The following TUSC3 variants were observed in gnomAD, a reference collection of about 807,000 sequenced individuals.
TUSC3 encodes tumor suppressor candidate 3, also known as dolichyl-diphosphooligosaccharide--protein glycosyltransferase subunit TUSC3.
TUSC3 carries 45 observed loss-of-function variants against 44.8 expected under a neutral mutation model. The ratio of observed to expected loss-of-function variants is 1.00; its 90% CI spans 0.79 to 1.29. TUSC3 has a LOEUF of 1.29. TUSC3 is among the 50% of genes most tolerant of loss of function. The probability of loss-of-function intolerance (pLI) is 0.00; values close to 1 mark genes in which losing one functional copy is unlikely to be tolerated. For missense variants in TUSC3, 519 were observed against 437.9 expected (o/e 1.19, Z -1.65); for synonymous variants, 212 against 152.9 (o/e 1.39, Z -2.85).
At chr8:15,643,090 G>A (rs1806458077) in intron 2 of TUSC3, among the ~76,000 whole-genome samples, 1 of 152,086 alleles carries the variant, frequency 6.6e-6, no homozygotes, top group Non-Finnish European at 1.5e-5. Flanking sequence ...TGACCTGATG[G>A]CTTTATAAGG....
chr8:15,477,145 G>C (rs1439484160), intron 1 of TUSC3, among the ~76,000 whole-genome samples: 5 of 152,112 alleles, frequency 3.3e-5, no homozygotes, highest in Admixed American at 3.3e-4. Flanking sequence ...AGTTTCTTTT[G>C]ATTTAGTTCT....
At chr8:15,663,951 C>G (rs2129180603) in intron 5 of TUSC3, among the ~76,000 whole-genome samples, 1 of 151,796 alleles carries the variant, frequency 6.6e-6, no homozygotes, top group African/African-American at 2.4e-5. Flanking sequence ...TTTAGTCTAC[C>G]AAAAATTGAT....
chr8:15,448,677 C>T lies in TUSC3; in HGVS notation n.91+31372C>T, dbSNP rs770103804. On this transcript the variant is annotated intron_variant and non_coding_transcript_variant, in intron 1 of 5. Transcript: ENST00000503191. ...GGCTAAATAAATAATGTGTCTAACA[C>T]GTAAATTATTAGACAAGTGTTAAAA... Among the ~76,000 whole-genome samples, 21 of 152,016 alleles carry T rather than the reference C, an allele frequency of 1.4e-4. 1 individual carries two copies. In the South Asian group the frequency reaches 2.3e-3, roughly 17 times the overall value.
At position 15,649,016 on chromosome 8, in the gene TUSC3, G is replaced by A. The variant is rs897083265; in HGVS notation, c.309-1681G>A. On this transcript the variant is annotated intron_variant, in intron 2 of 10. Coordinates refer to ENST00000503731, the MANE Select transcript of TUSC3 (RefSeq NM_006765.4). Reference sequence around the variant, plus strand: ...GAAACAGTAACAGGCTAGGTCGTTAGCTTGCATTATATATGTGGTAAAATC... The same window carrying A: ...GAAACAGTAACAGGCTAGGTCGTTAACTTGCATTATATATGTGGTAAAATC... 8.5e-5 allele frequency among the ~76,000 whole-genome samples: 13 copies of A among 152,142 alleles called. 1 individual carries two copies. The highest frequency in any genetic ancestry group is 6.5e-4 in the Admixed American group (10 of 15,276).
chr8:15,680,219 TG>T (rs1426493566), intron 6 of TUSC3, among the ~76,000 whole-genome samples: 2 of 152,074 alleles, frequency 1.3e-5, no homozygotes, highest in Non-Finnish European at 2.9e-5. Context: ...TCCATGAGCA[TG>T]GGTTGGTTTT....
intron 1 of TUSC3, among the ~76,000 whole-genome samples, chr8:15,434,751 G>T (rs562142257): frequency 1.9e-4 from 29 of 151,122 alleles, no homozygotes; most frequent in South Asian, 1.3e-3. Context: ...TGTTCTCATT[G>T]TTCAGTTCCC....
the TUSC3 span, among the ~76,000 whole-genome samples, chr8:15,835,835 C>G: frequency 2.2e-5 from 3 of 139,234 alleles, no homozygotes; most frequent in African/African-American, 7.6e-5. Flanking sequence ...TTTTTATTTA[C>G]TTCATCTATC....
At chr8:15,511,041 T>C (rs1801128113) in intron 2 of TUSC3, among the ~76,000 whole-genome samples, 2 of 152,228 alleles carry the variant, frequency 1.3e-5, no homozygotes, top group South Asian at 4.1e-4. Context: ...ATAAAACATT[T>C]GGCAAGCTAG....
At chr8:15,613,355 G>C (rs78744909) in intron 1 of TUSC3, among the ~76,000 whole-genome samples, 3,661 of 151,998 alleles carry the variant, frequency 0.024, 58 homozygotes, top group African/African-American at 0.03. Flanking sequence ...AATTCTTTTA[G>C]CAATGTGATC....
At chr8:15,500,197 G>T (rs987644040) in intron 2 of TUSC3, among the ~76,000 whole-genome samples, 94 of 152,238 alleles carry the variant, frequency 6.2e-4, no homozygotes, top group African/African-American at 2.1e-3. Flanking sequence ...ATCTGGTGGT[G>T]GCCTCTGGTG....
chr8:15,554,064 C>T (rs1345703536), intron 1 of TUSC3, among the ~76,000 whole-genome samples: 1 of 151,460 alleles, frequency 6.6e-6, no homozygotes, highest in African/African-American at 2.4e-5. Context: ...TCTGGTGAGG[C>T]CCACTTTCTC....
chr8:15,528,207 T>G (rs6530885), intron 2 of TUSC3, among the ~76,000 whole-genome samples: 2 of 152,082 alleles, frequency 1.3e-5, no homozygotes, highest in Admixed American at 1.3e-4. Flanking sequence ...AAAAAAAACT[T>G]TCCATCATTT....
At chr8:15,595,694 A>G (rs1585136700) in intron 1 of TUSC3, among the ~76,000 whole-genome samples, 2 of 152,328 alleles carry the variant, frequency 1.3e-5, no homozygotes, top group East Asian at 1.9e-4. Flanking sequence ...GATAAGAGAA[A>G]TGGGAGGAAG....
intron 1 of TUSC3, among the ~76,000 whole-genome samples, chr8:15,418,242 C>T (rs1799685002): frequency 6.6e-6 from 1 of 152,194 alleles, no homozygotes. Flanking sequence ...GTAAAATGCA[C>T]AGTTTATCTG....
chr8:15,564,422 C>G (rs1802591070), intron 1 of TUSC3, among the ~76,000 whole-genome samples: 1 of 152,148 alleles, frequency 6.6e-6, no homozygotes, highest in Admixed American at 6.5e-5. Context: ...AATCCACTGT[C>G]TACCGTATAT....
At chr8:15,643,988 C>T (rs1190028754) in intron 2 of TUSC3, among the ~76,000 whole-genome samples, 1 of 151,970 alleles carries the variant, frequency 6.6e-6, no homozygotes, top group South Asian at 2.1e-4. Context: ...TATTTTCATA[C>T]GAATCTGCTA....
chr8:15,823,956 A>G, the TUSC3 span, among the ~76,000 whole-genome samples: 4 of 152,254 alleles, frequency 2.6e-5, no homozygotes, highest in African/African-American at 9.6e-5. Context: ...TAAATTGAAT[A>G]AAGCATTGAG....
intron 1 of TUSC3, among the ~76,000 whole-genome samples, chr8:15,563,882 GGTCTGGAA>G (rs1248788431): frequency 6.6e-6 from 1 of 151,924 alleles, no homozygotes; most frequent in African/African-American, 2.4e-5. Flanking sequence ...CTATTAAACT[GGTCTGGAA>G]GTCTGGAAGA....
intron 1 of TUSC3, among the ~76,000 whole-genome samples, chr8:15,431,754 A>G: frequency 6.6e-6 from 1 of 151,646 alleles, no homozygotes; most frequent in South Asian, 2.1e-4. Context: ...ATATTACAGG[A>G]AATGATTTCA....
Sources: gnomAD v4.1 joint callset for allele counts (sites outside exome capture counted in the v4.1 genomes callset) on GRCh38, gnomAD v4.1.1 for gene constraint, MANE v1.5 for transcripts, NCBI Gene and HGNC (gene_info 2026-07-23, HGNC 2026-07-21) for gene names.